The following FAM135B variants were observed in gnomAD, a reference collection of about 807,000 sequenced individuals.
FAM135B encodes the protein protein FAM135B.
In FAM135B, 43 loss-of-function variants were observed where a neutral mutation model predicts 127.7. The observed-to-expected ratio is 0.34, with a 90% CI of 0.26 to 0.43. The LOEUF (loss-of-function observed/expected upper bound fraction) is 0.43, where lower values mean the gene tolerates loss of function less well. FAM135B is among the 20% of genes least tolerant of loss of function. FAM135B has a pLI of 1.00. For synonymous variants in FAM135B, 670 were observed against 665.1 expected (o/e 1.01, Z -0.11); for missense variants, 1,558 against 1,725.6 (o/e 0.90, Z 1.72).
intron 1 of FAM135B, among the ~76,000 whole-genome samples, chr8:138,446,951 AT>A (rs2131573819): frequency 6.6e-6 from 1 of 152,348 alleles, no homozygotes; most frequent in Non-Finnish European, 1.5e-5. Context: ...ACTCAAACAA[AT>A]TTAAAGAAAA....
At chr8:138,290,435 G>C (rs1011821997) in intron 3 of FAM135B, among the ~76,000 whole-genome samples, 4 of 152,122 alleles carry the variant, frequency 2.6e-5, no homozygotes, top group Non-Finnish European at 5.9e-5. Context: ...CGGTCTCAAT[G>C]TGTCTATCTT....
At chr8:138,174,583 G>C (rs1419603697) in intron 11 of FAM135B, among the ~76,000 whole-genome samples, 1 of 152,164 alleles carries the variant, frequency 6.6e-6, no homozygotes, top group East Asian at 1.9e-4. Context: ...ACTTTCTCCT[G>C]AGTAGTATCT....
At chr8:138,237,632 T>A (rs544203457) in intron 7 of FAM135B, among the ~76,000 whole-genome samples, 1 of 152,202 alleles carries the variant, frequency 6.6e-6, no homozygotes, top group African/African-American at 2.4e-5. Flanking sequence ...TCATTAGACT[T>A]TGAGTAAAGC....
intron 1 of FAM135B, among the ~76,000 whole-genome samples, chr8:138,466,422 G>C (rs1353507372): frequency 6.6e-6 from 1 of 152,144 alleles, no homozygotes; most frequent in African/African-American, 2.4e-5. Context: ...ATGCCTGTGA[G>C]GAGACGAGAG....
intron 12 of FAM135B, among the ~76,000 whole-genome samples, chr8:138,161,638 G>A (rs1175385632): frequency 6.6e-6 from 1 of 152,150 alleles, no homozygotes; most frequent in Non-Finnish European, 1.5e-5. Context: ...ACTGCAGGAA[G>A]CATTAAGACA....
chr8:138,450,883 C>T (rs1052011623), intron 1 of FAM135B: 6 of 152,134 alleles, frequency 3.9e-5, no homozygotes, highest in African/African-American at 9.7e-5. Flanking sequence ...TGCTAAACTA[C>T]GTGAATTATC....
intron 7 of FAM135B, among the ~76,000 whole-genome samples, chr8:138,215,106 T>C (rs910668634): frequency 6.6e-6 from 1 of 152,196 alleles, no homozygotes; most frequent in Non-Finnish European, 1.5e-5. Flanking sequence ...CCCATGAAGA[T>C]GGACATGATT....
chr8:138,174,341 C>T (rs1166210397), intron 11 of FAM135B, among the ~76,000 whole-genome samples: 4 of 152,118 alleles, frequency 2.6e-5, no homozygotes, highest in East Asian at 3.9e-4. Flanking sequence ...TTATGTAAGC[C>T]GCATGACCTC....
intron 7 of FAM135B, among the ~76,000 whole-genome samples, chr8:138,221,938 G>T (rs748646089): frequency 1.5e-4 from 23 of 152,090 alleles, no homozygotes; most frequent in Non-Finnish European, 2.4e-4. Context: ...AAACTACTAG[G>T]CATACAAATA....
chr8:138,380,987 A>G (rs910731864), intron 1 of FAM135B, among the ~76,000 whole-genome samples: 1 of 92,594 alleles, frequency 1.1e-5, no homozygotes, highest in Non-Finnish European at 2.2e-5. Flanking sequence ...ACAAACAAAC[A>G]AAAAAAAACA....
In FAM135B at chr8:138,152,445, T is replaced by C. The variant is rs369085053; in HGVS notation, c.2030A>G (p.Lys677Arg). 1.7e-5 allele frequency: 28 copies of C among 1,614,072 alleles called. No individual in the cohort carries two copies. Among genetic ancestry groups the C allele is most frequent in the East Asian group, 4.5e-5 (2 of 44,856 alleles). Reference sequence around the variant, plus strand: ...ATCAGATATGATGGATGAAGATCTCTTGATGACCCCGGATAGCACTGAGAG... The same window carrying C: ...ATCAGATATGATGGATGAAGATCTCCTGATGACCCCGGATAGCACTGAGAG... ...EELSVLSGVI[K>R]RSSSIISDSG... The change falls in exon 13 of 20, where the codon AAG becomes AGG. Residue 677 changes from lysine to arginine, a missense_variant. Around this residue, in one of 5 missense-constraint regions of FAM135B, gnomAD observed 923 missense variants for 865.3 expected, o/e 1.07. Transcript: ENST00000395297.
At chr8:138,461,552 C>A (rs1564021172) in intron 1 of FAM135B, among the ~76,000 whole-genome samples, 1 of 151,894 alleles carries the variant, frequency 6.6e-6, no homozygotes, top group Admixed American at 6.6e-5. Context: ...TCAAGGTATG[C>A]AAATGAAATG....
intron 3 of FAM135B, among the ~76,000 whole-genome samples, chr8:138,278,003 C>G (rs1042244142): frequency 3.9e-5 from 6 of 152,090 alleles, no homozygotes; most frequent in Non-Finnish European, 7.4e-5. Context: ...TGAATCTTGC[C>G]CTTTGACCCC....
chr8:138,434,387 A>G (rs1262626175), intron 1 of FAM135B, among the ~76,000 whole-genome samples: 2 of 152,198 alleles, frequency 1.3e-5, no homozygotes. Flanking sequence ...TGCTCTGTCC[A>G]TGACTGCTCT....
At chr8:138,278,021 G>GT (rs1478181315) in intron 3 of FAM135B, among the ~76,000 whole-genome samples, 1 of 151,944 alleles carries the variant, frequency 6.6e-6, no homozygotes, top group Non-Finnish European at 1.5e-5. Flanking sequence ...CCCACAGCAG[G>GT]TATATGCCCC....
At chr8:138,468,017 T>C (rs1421378494) in intron 1 of FAM135B, among the ~76,000 whole-genome samples, 2 of 152,198 alleles carry the variant, frequency 1.3e-5, no homozygotes, top group Non-Finnish European at 2.9e-5. Context: ...CATATGCATA[T>C]TTTATGCAAA....
In FAM135B at chr8:138,243,274, A is replaced by G. The variant is rs1820993455; in HGVS notation, c.543-206T>C. Among the ~76,000 whole-genome samples, 1 of 152,210 alleles carries G rather than the reference A, an allele frequency of 6.6e-6. No homozygotes were observed. Among genetic ancestry groups the G allele is most frequent in the Non-Finnish European group, 1.5e-5 (1 of 68,038 alleles). ...AACTGGCACGTAAGCTTGAAAGTCA[A>G]TGATGATACACATCCTACAATGTGT... is the stretch of plus-strand genomic sequence containing the variant. On this transcript the variant is annotated intron_variant, in intron 6 of 19. Transcript: ENST00000395297. This position sits in a 1 kb window ranked among gnomAD's most constrained non-coding sequence, Gnocchi z 7.5.
rs532475403 is a variant in FAM135B, at chr8:138,378,743, T to A, written c.-19-10741A>T. 1.4e-4 allele frequency among the ~76,000 whole-genome samples: 22 copies of A among 152,276 alleles called. No individual in the cohort carries two copies. The South Asian group carries it at 4.3e-3, about 30-fold the overall frequency. On this transcript the variant is annotated intron_variant, in intron 1 of 19. Transcript: ENST00000395297. ...CGGCTGTGTATGTTTGCTTTTTTTT[T>A]TTCACATCTGAAGACAGTGCAAATA...
intron 7 of FAM135B, among the ~76,000 whole-genome samples, chr8:138,233,648 A>G (rs1240685331): frequency 6.6e-6 from 1 of 152,206 alleles, no homozygotes; most frequent in East Asian, 1.9e-4. Flanking sequence ...CAGCAAGGAA[A>G]GCAAAAATAG....
Sources: allele counts gnomAD v4.1 joint callset (sites outside exome capture counted in the v4.1 genomes callset), GRCh38; gene constraint gnomAD v4.1.1; regional missense constraint gnomAD v4.1.1; non-coding constraint Gnocchi (gnomAD v3.1); transcripts MANE v1.5; gene names NCBI Gene and HGNC (gene_info 2026-07-23, HGNC 2026-07-21).